FGD6: variants seen among roughly 807,000 people sequenced by gnomAD.
FGD6 encodes FYVE, RhoGEF and PH domain-containing protein 6.
Under a neutral mutation model 149.4 loss-of-function variants are expected in FGD6, and 90 were observed. The observed-to-expected ratio is 0.60, with a 90% CI of 0.51 to 0.72. The LOEUF (loss-of-function observed/expected upper bound fraction) is 0.72. Among genes scored for constraint, FGD6 ranks in the 30% least tolerant of loss-of-function variants. The pLI, the probability that FGD6 is intolerant of heterozygous loss-of-function variation, is 0.00. For missense variants in FGD6, 1,437 were observed against 1,684.8 expected (o/e 0.85, Z 2.57); for synonymous variants, 527 against 584.0 (o/e 0.90, Z 1.41).
chr12:95,147,024 A>G (rs965109269), intron 5 of FGD6, among the ~76,000 whole-genome samples: 2 of 152,118 alleles, frequency 1.3e-5, no homozygotes, highest in Non-Finnish European at 2.9e-5. Context: ...CAGCTGCCTG[A>G]CCTCAGGGCA....
Position 95,152,992 on chromosome 12 carries a change from T to C in FGD6, c.2588A>G (p.Asp863Gly). The C allele has an allele frequency of 6.2e-7, 1 of 1,613,064 alleles. No individual in the cohort carries two copies. ...TTTACTTTTCATTCCATTATCTTCA[T>C]CCTGTGGATAAGAGCACATTTAACA... ...GEPDPLEDKQ[D>G]EDNGMKSKVH... Residue 863 changes from aspartate (D) to glycine (G), a missense_variant and splice_region_variant, in exon 4 of 21, where the codon GAT (aspartate) becomes GGT (glycine). Asp to Gly is a moderately conservative substitution (Grantham distance 94, BLOSUM62 -1). Coordinates refer to ENST00000343958, the MANE Select transcript of FGD6 (RefSeq NM_018351.4).
intron 15 of FGD6, among the ~76,000 whole-genome samples, chr12:95,094,270 TAAA>T (rs1370544721): frequency 6.6e-6 from 1 of 152,166 alleles, no homozygotes; most frequent in African/African-American, 2.4e-5. Context: ...AAAATTAACT[TAAA>T]AAGACGCCTG....
rs144276918 is a variant in FGD6 at position 95,099,015 on chromosome 12, G to A, written c.3498-4321C>T. Among the ~76,000 whole-genome samples, 711 of 152,156 alleles carry A rather than the reference G, an allele frequency of 4.7e-3. 8 individuals carry two copies. Among genetic ancestry groups the A allele is most frequent in the African/African-American group, 0.015 (634 of 41,530 alleles). On this transcript the variant is annotated intron_variant, in intron 14 of 20. Coordinates refer to ENST00000343958, the MANE Select transcript of FGD6 (RefSeq NM_018351.4). ...CTCCAGAGTAGCTGGGATTACAGGC[G>A]TGTGCCACTATGCCCAGCTAATTTT...
chr12:95,212,410 A>G (rs2056732393), intron 1 of FGD6, among the ~76,000 whole-genome samples: 1 of 152,212 alleles, frequency 6.6e-6, no homozygotes, highest in African/African-American at 2.4e-5. Flanking sequence ...ACAATGCTGC[A>G]TCGGTACAGA....
chr12:95,157,043 C>T (rs1008275565), intron 3 of FGD6, among the ~76,000 whole-genome samples: 1 of 152,050 alleles, frequency 6.6e-6, no homozygotes, highest in African/African-American at 2.4e-5. Flanking sequence ...ACCTAATACC[C>T]ACACATCCAC....
chr12:95,089,157 A>T (rs966882160), intron 18 of FGD6, among the ~76,000 whole-genome samples: 1 of 152,244 alleles, frequency 6.6e-6, no homozygotes. Flanking sequence ...AGGAAAGACA[A>T]CCTACTATCA....
At chr12:95,194,406 T>C (rs573196441) in intron 2 of FGD6, among the ~76,000 whole-genome samples, 1 of 140,628 alleles carries the variant, frequency 7.1e-6, no homozygotes, top group South Asian at 2.3e-4. Flanking sequence ...TGGCTAATTT[T>C]GTATTTTCAG....
In FGD6 at chr12:95,210,111, G is replaced by A. The variant is rs749441345; in HGVS notation, c.1173C>T (p.Asn391=). The A allele has an allele frequency of 1.5e-5, 24 of 1,613,998 alleles. No individual in the cohort carries two copies. Among genetic ancestry groups the A allele is most frequent in the East Asian group, 2.2e-5 (1 of 44,902 alleles). The change falls in exon 2 of 21, where the codon AAC becomes AAT. Residue 391 remains asparagine, a synonymous_variant. Transcript: ENST00000343958. ...GNKSELNMES[N]SDAQDLVNSQ... ...AATTGACTAAGTCCTGTGCATCACT[G>A]TTGGATTCCATATTCAATTCACTTT...
rs774885571 is a variant in FGD6 at position 95,172,742 on chromosome 12, G to A, written c.2444C>T (p.Ser815Leu). 4 of 1,590,496 alleles carry A rather than the reference G, an allele frequency of 2.5e-6. No homozygotes were observed. The highest frequency in any genetic ancestry group is 1.2e-5 in the South Asian group (1 of 86,394). ...ATTCTGTTCCTCCTGGGATGCTCCT[G>A]AACTGCATTCAACAGAAAGCAGGTA... ...QLGPRHQHSS[S>L]GASQEEQNDL... The change falls in exon 3 of 21, where the codon TCA becomes TTA. Residue 815 changes from serine (S) to leucine (L), a missense_variant and splice_region_variant. Transcript: ENST00000343958.
At chr12:95,141,686 C>T in intron 5 of FGD6, 147 bp from the exon 6 acceptor site, 1 of 825,340 alleles carries the variant, frequency 1.2e-6, no homozygotes, top group Non-Finnish European at 1.8e-6. Flanking sequence ...TACCCCCTTC[C>T]TCCTACCCCA....
chr12:95,121,481 G>GTGTGTATATATATATATATATATGTA (rs1491167311), intron 8 of FGD6, among the ~76,000 whole-genome samples: 1 of 121,908 alleles, frequency 8.2e-6, no homozygotes, highest in African/African-American at 3.4e-5. Context: ...ATATATATAT[G>GTGTGTATATATATATATATATATGTA]TATATATATA....
rs191998830 is a variant in FGD6 at position 95,143,148 on chromosome 12, C to T, written c.2686-1609G>A. Among the ~76,000 whole-genome samples, 152 of 152,270 alleles carry T rather than the reference C, an allele frequency of 1.0e-3. 1 individual carries two copies. Among genetic ancestry groups the T allele is most frequent in the South Asian group, 3.7e-3 (18 of 4,828 alleles). ...GTAAATGACTAATAGGCCTTATCTT[C>T]CCTTACCTTTATTTCCAACTGCTTT... On this transcript the variant is annotated intron_variant, in intron 5 of 20. Coordinates refer to ENST00000343958, the MANE Select transcript of FGD6 (RefSeq NM_018351.4).
chr12:95,139,173 C>T (rs564776610), intron 6 of FGD6, among the ~76,000 whole-genome samples: 3 of 152,276 alleles, frequency 2.0e-5, no homozygotes, highest in African/African-American at 7.2e-5. Flanking sequence ...GGTGCAGTGG[C>T]TCATGCCTGT....
chr12:95,208,790 T>C (rs1592878499), intron 2 of FGD6, 53 bp downstream of exon 2: 4 of 1,550,948 alleles, frequency 2.6e-6, no homozygotes, highest in Non-Finnish European at 3.5e-6. Flanking sequence ...CACCAGGCTG[T>C]TGAAGGTTAA....
intron 3 of FGD6, among the ~76,000 whole-genome samples, chr12:95,170,599 G>A (rs946818724): frequency 1.3e-5 from 2 of 152,134 alleles, no homozygotes; most frequent in Non-Finnish European, 2.9e-5. Flanking sequence ...CCGAGATCGC[G>A]CCATTGTACT....
At position 95,122,645 on chromosome 12, in the gene FGD6, C is replaced by CAAAAAAAA. The variant is rs397687285; in HGVS notation, c.3083-8952_3083-8945dup. On this transcript the variant is annotated intron_variant, in intron 8 of 20. Coordinates refer to ENST00000343958, the MANE Select transcript of FGD6 (RefSeq NM_018351.4). The stretch of plus-strand genomic sequence containing the variant: ...TGGGCAACAGAGCGAGACTCAGTCT[C>CAAAAAAAA]AAAAAAAAAAAAAAAAAAAAAAAAG... Among the ~76,000 whole-genome samples, 3 of 64,426 alleles carry CAAAAAAAA rather than the reference C, an allele frequency of 4.7e-5. 1 individual carries two copies. Among genetic ancestry groups the CAAAAAAAA allele is most frequent in the Non-Finnish European group, 8.1e-5 (3 of 37,084 alleles). The allele number at this position is 64,426 out of a possible 152,430, so 42.3% of individuals were successfully genotyped here. A position where few individuals can be genotyped will look rare whatever the true frequency, so the allele number is the denominator to read the frequency against.
At position 95,148,532 on chromosome 12, in the gene FGD6, A is replaced by ATT. The variant is rs373354570; in HGVS notation, c.2685+4278_2685+4279insAA. Among the ~76,000 whole-genome samples the ATT allele has an allele frequency of 8.9e-5, 12 of 135,138 alleles. No homozygotes were observed. In the East Asian group the frequency reaches 2.3e-3, roughly 26 times the overall value. 88.7% of individuals were successfully genotyped at this position (135,138 alleles called of 152,430 possible). A position where few individuals can be genotyped will look rare whatever the true frequency, so the allele number is the denominator to read the frequency against. ...GCATATATTATATTATATATTATATAATATATAGCATATATTATATTATAT... is the reference window on the plus strand; with the variant it reads ...GCATATATTATATTATATATTATATATTATATATAGCATATATTATATTATAT... On this transcript the variant is annotated intron_variant, in intron 5 of 20. Transcript: ENST00000343958.
intron 6 of FGD6, 39 bp downstream of exon 6, chr12:95,141,349 T>G (rs1348936024): frequency 6.2e-7 from 1 of 1,600,284 alleles, no homozygotes. Flanking sequence ...CATCTAAAAT[T>G]GGAAACACTA....
In FGD6 at chr12:95,210,164, G is replaced by A. The variant is rs377280255; in HGVS notation, c.1120C>T (p.Gln374Ter). ...TTTCCTAGCTTCATTTTATCCACCT[G>A]TTCCTGCTTACACAAAACATTCTGA... ...LHQNVLCKQE[Q>*]VDKMKLGNKS... Residue 374 changes from glutamine (Q) to a stop codon, truncating the protein, a stop_gained, in exon 2 of 21, where the codon CAG becomes TAG. Transcript: ENST00000343958. LOFTEE classifies it high-confidence loss of function. The A allele has an allele frequency of 3.1e-6, 5 of 1,613,834 alleles. No individual in the cohort carries two copies. Among genetic ancestry groups the A allele is most frequent in the Non-Finnish European group, 4.2e-6 (5 of 1,179,996 alleles).
Sources: gnomAD v4.1 joint callset for allele counts (sites outside exome capture counted in the v4.1 genomes callset) on GRCh38, gnomAD v4.1.1 for gene constraint, MANE v1.5 for transcripts, NCBI Gene and HGNC (gene_info 2026-07-23, HGNC 2026-07-21) for gene names.